The following EPHA6 variants were observed in gnomAD, a reference collection of about 807,000 sequenced individuals.
EPHA6 encodes the protein EPH receptor A6.
EPHA6 carries 50 observed loss-of-function variants against 112.0 expected under a neutral mutation model. The observed-to-expected ratio is 0.45, with a 90% CI of 0.36 to 0.56. The LOEUF is 0.56. Among genes scored for constraint, EPHA6 ranks in the 20% least tolerant of loss-of-function variants. EPHA6 has a pLI of 0.00. For synonymous variants in EPHA6, 529 were observed against 490.7 expected, an observed-to-expected ratio of 1.08 and a Z score of -1.03; for missense variants, 1,280 against 1,417.4, an observed-to-expected ratio of 0.90 and a Z score of 1.56.
chr3:97,084,067 A>AGAGT (rs2046809061), intron 3 of EPHA6, among the ~76,000 whole-genome samples: 1 of 109,698 alleles, frequency 9.1e-6, no homozygotes, highest in Non-Finnish European at 1.9e-5. Flanking sequence ...TATTTCTTAA[A>AGAGT]GTGTGTGTGT....
chr3:96,830,992 C>T (rs1238166146), intron 1 of EPHA6, among the ~76,000 whole-genome samples: 1 of 152,010 alleles, frequency 6.6e-6, no homozygotes, highest in Non-Finnish European at 1.5e-5. Flanking sequence ...TATACACACA[C>T]ACACATATAT....
chr3:96,979,128 A>G (rs529162611), intron 2 of EPHA6, among the ~76,000 whole-genome samples: 9 of 152,218 alleles, frequency 5.9e-5, no homozygotes, highest in East Asian at 5.8e-4. Flanking sequence ...TTACATATGT[A>G]TATATGTGCC....
intron 14 of EPHA6, among the ~76,000 whole-genome samples, chr3:97,713,826 G>A (rs566401110): frequency 6.6e-6 from 1 of 152,306 alleles, no homozygotes; most frequent in South Asian, 2.1e-4. Context: ...AGTCTGGCCT[G>A]CCAGCACTCA....
intron 5 of EPHA6, among the ~76,000 whole-genome samples, chr3:97,400,132 G>A (rs1444544931): frequency 6.6e-6 from 1 of 151,564 alleles, no homozygotes. Flanking sequence ...GTGAGAGATA[G>A]GTATCTAGTT....
chr3:97,199,560 A>T (rs1251147594), intron 3 of EPHA6, among the ~76,000 whole-genome samples: 2 of 152,156 alleles, frequency 1.3e-5, no homozygotes, highest in Admixed American at 6.5e-5. Flanking sequence ...TTCCTGACCG[A>T]TAGAGCCTTG....
At chr3:97,103,888 A>AT (rs142116739) in intron 3 of EPHA6, among the ~76,000 whole-genome samples, 2,299 of 151,408 alleles carry the variant, frequency 0.015, 68 homozygotes, top group African/African-American at 0.053. Context: ...ATGCCTAGGT[A>AT]TTTTTTTCTT....
intron 3 of EPHA6, among the ~76,000 whole-genome samples, chr3:97,208,837 A>C (rs535011100): frequency 6.6e-6 from 1 of 152,300 alleles, no homozygotes; most frequent in Non-Finnish European, 1.5e-5. Context: ...TGATACAAAT[A>C]ATCATTTAAA....
chr3:97,004,611 G>A (rs1482568974), intron 3 of EPHA6, among the ~76,000 whole-genome samples: 1 of 152,170 alleles, frequency 6.6e-6, no homozygotes, highest in Non-Finnish European at 1.5e-5. Flanking sequence ...TCTGATGATA[G>A]TTAATTTTGC....
intron 6 of EPHA6, among the ~76,000 whole-genome samples, chr3:97,429,486 A>T (rs2089364386): frequency 6.6e-6 from 1 of 152,168 alleles, no homozygotes; most frequent in African/African-American, 2.4e-5. Flanking sequence ...ATATAACAGT[A>T]AATATATTTT....
At chr3:96,977,614 C>A (rs1424676226) in intron 2 of EPHA6, among the ~76,000 whole-genome samples, 1 of 151,970 alleles carries the variant, frequency 6.6e-6, no homozygotes, top group African/African-American at 2.4e-5. Flanking sequence ...TTTTAGAGAC[C>A]CTATTTAATT....
At chr3:97,408,146 T>C (rs967242380) in intron 6 of EPHA6, among the ~76,000 whole-genome samples, 1 of 152,048 alleles carries the variant, frequency 6.6e-6, no homozygotes, top group African/African-American at 2.4e-5. Flanking sequence ...GAGAGGGCCA[T>C]ACTTGCCTTT....
chr3:97,519,765 G>T (rs1446216065), intron 10 of EPHA6, among the ~76,000 whole-genome samples: 1 of 151,442 alleles, frequency 6.6e-6, no homozygotes, highest in African/African-American at 2.4e-5. Flanking sequence ...TTTCCTTGTT[G>T]ATTTTTTTTC....
intron 2 of EPHA6, among the ~76,000 whole-genome samples, chr3:96,957,701 A>T (rs945857946): frequency 2.0e-5 from 3 of 152,180 alleles, no homozygotes; most frequent in African/African-American, 7.2e-5. Context: ...TAATTCTGTT[A>T]ATTTTTAGTT....
intron 5 of EPHA6, among the ~76,000 whole-genome samples, chr3:97,258,249 T>TACAC (rs748780481): frequency 4.7e-5 from 7 of 148,450 alleles, no homozygotes; most frequent in African/African-American, 1.8e-4. Flanking sequence ...AGTATATATA[T>TACAC]ATACACACAC....
intron 14 of EPHA6, among the ~76,000 whole-genome samples, chr3:97,641,566 G>C (rs144380843): frequency 6.6e-6 from 1 of 152,300 alleles, no homozygotes; most frequent in East Asian, 1.9e-4. Flanking sequence ...GACAGTGGGC[G>C]CAGGATAGTG....
chr3:96,969,061 C>T (rs1170782635), intron 2 of EPHA6, among the ~76,000 whole-genome samples: 1 of 151,794 alleles, frequency 6.6e-6, no homozygotes, highest in African/African-American at 2.4e-5. Flanking sequence ...AAGAAATTCT[C>T]AACCTGGTTC....
intron 1 of EPHA6, among the ~76,000 whole-genome samples, chr3:96,828,535 T>C (rs1296166155): frequency 6.6e-6 from 1 of 152,154 alleles, no homozygotes; most frequent in Non-Finnish European, 1.5e-5. Flanking sequence ...ACACACCAGC[T>C]CCACCTTTGT....
chr3:96,903,917 A>G (rs1159274989), intron 2 of EPHA6, among the ~76,000 whole-genome samples: 1 of 152,226 alleles, frequency 6.6e-6, no homozygotes, highest in East Asian at 1.9e-4. Context: ...ATACCATCTC[A>G]CACTAGTTAG....
intron 2 of EPHA6, among the ~76,000 whole-genome samples, chr3:96,976,872 A>T (rs1224333119): frequency 6.6e-6 from 1 of 152,182 alleles, no homozygotes; most frequent in Non-Finnish European, 1.5e-5. Context: ...TCTTCCTGGG[A>T]TTCATCCTCC....
Sources: gnomAD v4.1 joint callset for allele counts (sites outside exome capture counted in the v4.1 genomes callset) on GRCh38, gnomAD v4.1.1 for gene constraint, MANE v1.5 for transcripts, NCBI Gene and HGNC (gene_info 2026-07-23, HGNC 2026-07-21) for gene names.